Variants in NXPE2 observed in about 807,000 individuals in gnomAD.
The protein encoded by NXPE2 is neurexophilin and PC-esterase domain family member 2.
In NXPE2, 34 loss-of-function variants were observed where a neutral mutation model predicts 34.4. The observed-to-expected ratio is 0.99, with a 90% CI of 0.75 to 1.31. The LOEUF is 1.31. Among genes scored for constraint, NXPE2 ranks in the 40% most tolerant of loss-of-function variants. The probability of loss-of-function intolerance (pLI) is 0.00; values close to 1 mark genes in which losing one functional copy is unlikely to be tolerated. For missense variants in NXPE2, 649 were observed against 672.5 expected, an observed-to-expected ratio of 0.97 and a Z score of 0.39; for synonymous variants, 235 against 231.3, an observed-to-expected ratio of 1.02 and a Z score of -0.15.
chr11:114,471,369 C>T, the NXPE2 span, among the ~76,000 whole-genome samples: 1 of 151,896 alleles, frequency 6.6e-6, no homozygotes, highest in South Asian at 2.1e-4. Flanking sequence ...CTTCCAGCAC[C>T]ATTTGTTGAA....
the NXPE2 span, among the ~76,000 whole-genome samples, chr11:114,725,972 A>ATATATATATATATATATATATAT: frequency 2.1e-4 from 3 of 14,250 alleles, no homozygotes; most frequent in African/African-American, 3.9e-4. Context: ...TATAATAAAA[A>ATATATATATATATATATATATAT]AAAAATATAT....
the NXPE2 span, among the ~76,000 whole-genome samples, chr11:114,766,917 T>C: frequency 6.6e-6 from 1 of 152,152 alleles, no homozygotes; most frequent in East Asian, 1.9e-4. Context: ...CTCCAAGATC[T>C]AATGAAAATT....
At chr11:114,580,299 A>T in the NXPE2 span, 2 of 1,613,996 alleles carry the variant, frequency 1.2e-6, no homozygotes, top group Admixed American at 1.7e-5. Context: ...TGTGGATGTC[A>T]TTCCAAACTT....
chr11:114,770,311 T>TA, the NXPE2 span, among the ~76,000 whole-genome samples: 2 of 152,216 alleles, frequency 1.3e-5, no homozygotes, highest in Non-Finnish European at 2.9e-5. Context: ...GGGGCCTTCC[T>TA]ACCCCCTCCC....
the NXPE2 span, among the ~76,000 whole-genome samples, chr11:114,629,035 T>C: frequency 6.6e-6 from 1 of 151,994 alleles, no homozygotes; most frequent in African/African-American, 2.4e-5. Context: ...AATCAATAGC[T>C]TACCAATGAA....
At chr11:114,695,830 AACACACACACAC>A (rs67132329) in intron 2 of NXPE2, among the ~76,000 whole-genome samples, 29 of 132,632 alleles carry the variant, frequency 2.2e-4, no homozygotes, top group South Asian at 8.4e-4. Flanking sequence ...GTCTCTACTA[AACACACACACAC>A]ACACACACAC....
the NXPE2 span, among the ~76,000 whole-genome samples, chr11:114,642,844 C>G: frequency 6.6e-6 from 1 of 152,090 alleles, no homozygotes; most frequent in Non-Finnish European, 1.5e-5. Flanking sequence ...GCCACACTGT[C>G]TTCCACAATG....
the NXPE2 span, among the ~76,000 whole-genome samples, chr11:114,640,073 TATATA>T: frequency 1.1e-4 from 13 of 116,250 alleles, no homozygotes; most frequent in South Asian, 1.0e-3. Context: ...TAAAATATAA[TATATA>T]ATATAATGTA....
At chr11:114,665,337 C>T in the NXPE2 span, among the ~76,000 whole-genome samples, 2 of 152,140 alleles carry the variant, frequency 1.3e-5, no homozygotes, top group East Asian at 1.9e-4. Flanking sequence ...AAGCCCATCA[C>T]GTCTTGATGA....
At chr11:114,517,187 A>G in the NXPE2 span, among the ~76,000 whole-genome samples, 2 of 152,164 alleles carry the variant, frequency 1.3e-5, no homozygotes, top group Non-Finnish European at 2.9e-5. Flanking sequence ...CTCAGTATAT[A>G]TCATTAGCAT....
intron 2 of NXPE2, among the ~76,000 whole-genome samples, chr11:114,680,395 C>A (rs1355600236): frequency 6.6e-6 from 1 of 152,104 alleles, no homozygotes; most frequent in Non-Finnish European, 1.5e-5. Flanking sequence ...CTAACACAGA[C>A]TTACCTCCAA....
chr11:114,654,520 T>C, the NXPE2 span, among the ~76,000 whole-genome samples: 7 of 152,076 alleles, frequency 4.6e-5, no homozygotes, highest in African/African-American at 1.4e-4. Context: ...CCCCTCTCCA[T>C]GTCCATGTGT....
chr11:114,554,885 C>T, the NXPE2 span, among the ~76,000 whole-genome samples: 1 of 152,168 alleles, frequency 6.6e-6, no homozygotes, highest in Non-Finnish European at 1.5e-5. Flanking sequence ...CATTTGTGGG[C>T]CTGCCAACCC....
At chr11:114,770,633 T>G in the NXPE2 span, among the ~76,000 whole-genome samples, 8 of 152,232 alleles carry the variant, frequency 5.3e-5, no homozygotes, top group African/African-American at 1.9e-4. Flanking sequence ...CATGTCTCCA[T>G]ACAAATTATC....
chr11:114,632,282 A>C, the NXPE2 span, among the ~76,000 whole-genome samples: 4 of 138,732 alleles, frequency 2.9e-5, no homozygotes, highest in Admixed American at 3.2e-4. Context: ...TATATACTAT[A>C]TATGTATATT....
At chr11:114,801,063 AACAC>A in the NXPE2 span, among the ~76,000 whole-genome samples, 4 of 47,970 alleles carry the variant, frequency 8.3e-5, no homozygotes. Flanking sequence ...TCATTCAACA[AACAC>A]TGAGCACTTC....
At chr11:114,648,807 G>T in the NXPE2 span, among the ~76,000 whole-genome samples, 1 of 152,186 alleles carries the variant, frequency 6.6e-6, no homozygotes, top group African/African-American at 2.4e-5. Flanking sequence ...TACTCTTCTT[G>T]ATAGTCTATA....
At chr11:114,685,990 A>T (rs1951038833) in intron 2 of NXPE2, among the ~76,000 whole-genome samples, 1 of 152,148 alleles carries the variant, frequency 6.6e-6, no homozygotes, top group Non-Finnish European at 1.5e-5. Context: ...AATGTTCTGT[A>T]TCTTGACTAT....
At chr11:114,661,670 A>G in the NXPE2 span, among the ~76,000 whole-genome samples, 2 of 152,224 alleles carry the variant, frequency 1.3e-5, no homozygotes, top group Non-Finnish European at 2.9e-5. Context: ...CATTATCTGT[A>G]TATTCTTCCC....
Sources: gnomAD v4.1 joint callset for allele counts (sites outside exome capture counted in the v4.1 genomes callset) on GRCh38, gnomAD v4.1.1 for gene constraint, MANE v1.5 for transcripts, NCBI Gene and HGNC (gene_info 2026-07-23, HGNC 2026-07-21) for gene names.